The following ACP6 variants were observed in gnomAD, a reference collection of about 807,000 sequenced individuals.
ACP6 encodes the protein acid phosphatase 6, lysophosphatidic.
Under a neutral mutation model 48.1 loss-of-function variants are expected in ACP6, and 48 were observed. The ratio of observed to expected loss-of-function variants is 1.00; its 90% CI spans 0.79 to 1.27. The LOEUF is 1.27. Ranked by LOEUF, ACP6 falls within the 50% of genes most tolerant of loss-of-function variation. The pLI is 0.00. For synonymous variants in ACP6, 172 were observed against 204.2 expected, an observed-to-expected ratio of 0.84 and a Z score of 1.34; for missense variants, 485 against 529.1, an observed-to-expected ratio of 0.92 and a Z score of 0.82.
rs782049544 is a variant in ACP6 at position 147,648,361 on chromosome 1, A to G, written c.1028T>C (p.Met343Thr). Residue 343 changes from methionine (M) to threonine (T), a missense_variant, in exon 9 of 10, where the codon ATG becomes ACG. Transcript: ENST00000583509. ...TTTGTGGTCAAAAATCCCCAGGGTC[A>G]TTAAGAGCGGTATGAAGGTCACATC... ...AHDVTFIPLL[M>T]TLGIFDHKWP... 3 of 1,614,204 alleles carry G rather than the reference A, an allele frequency of 1.9e-6. No individual in the cohort carries two copies. The South Asian group carries it at 3.3e-5, about 18-fold the overall frequency.
rs1207993022 is a variant in ACP6, at chr1:147,670,291, G to A, written c.-243C>T. 1 of 448,896 alleles carries A rather than the reference G, an allele frequency of 2.2e-6. No individual in the cohort carries two copies. 27.8% of individuals were successfully genotyped at this position (448,896 alleles called of 1,614,324 possible). ...CCCTGGGAGTTTTAACCCGGGTCGGGGTTGGTCGCTCCTGCTGCACACCGG... is the reference window on the plus strand; with the variant it reads ...CCCTGGGAGTTTTAACCCGGGTCGGAGTTGGTCGCTCCTGCTGCACACCGG... On this transcript the variant is annotated 5_prime_UTR_variant, in exon 1 of 10. Coordinates refer to ENST00000583509, the MANE Select transcript of ACP6 (RefSeq NM_016361.5).
At chr1:147,650,993 A>G (rs1195607405) in intron 7 of ACP6, 5 of 151,812 alleles carry the variant, frequency 3.3e-5, no homozygotes, top group African/African-American at 9.7e-5. Flanking sequence ...TATCAAAGAG[A>G]AAAAAACACC....
chr1:147,640,466 G>A (rs1659418422), downstream of ACP6, among the ~76,000 whole-genome samples: 2 of 152,202 alleles, frequency 1.3e-5, no homozygotes, highest in Non-Finnish European at 2.9e-5. Context: ...CATAGCAGGA[G>A]CAATGGCTTA....
At chr1:147,635,077 C>T (rs1659261797) in intron 5 of ACP6, among the ~76,000 whole-genome samples, 1 of 152,180 alleles carries the variant, frequency 6.6e-6, no homozygotes, top group Non-Finnish European at 1.5e-5. Flanking sequence ...CTCTCCAGTC[C>T]TTAAATTCTG....
chr1:147,630,553 G>A (rs1659139136), exon 6 of ACP6: 1 of 152,112 alleles, frequency 6.6e-6, no homozygotes, highest in Non-Finnish European at 1.5e-5. Context: ...GCTACCCCAT[G>A]AGCTGTTTTC....
Position 147,659,512 on chromosome 1 carries a change from A to G in ACP6, c.363T>C (p.Ala121=). 1 of 1,614,178 alleles carries G rather than the reference A, an allele frequency of 6.2e-7. No homozygotes were observed. Residue 121 remains alanine (A), a synonymous_variant, in exon 3 of 10, where the codon GCT becomes GCC. Coordinates refer to ENST00000583509, the MANE Select transcript of ACP6 (RefSeq NM_016361.5). ...HETTLKGGMF[A]GQLTKVGMQQ... Reference sequence around the variant, plus strand: ...GCATGCCCACCTTGGTCAGCTGCCCAGCAAACATGCCCCCCTAAAGTAGGG... The same window carrying G: ...GCATGCCCACCTTGGTCAGCTGCCCGGCAAACATGCCCCCCTAAAGTAGGG...
At chr1:147,657,235 G>T (rs1553211789) in intron 4 of ACP6, among the ~76,000 whole-genome samples, 1 of 152,168 alleles carries the variant, frequency 6.6e-6, no homozygotes, top group Non-Finnish European at 1.5e-5. Context: ...AGGCACACTT[G>T]AGTAGACAAA....
At chr1:147,653,792 G>A (rs1553211081) in intron 6 of ACP6, among the ~76,000 whole-genome samples, 3 of 152,136 alleles carry the variant, frequency 2.0e-5, no homozygotes, top group African/African-American at 7.2e-5. Context: ...AGATTAACCA[G>A]CTTTCTTTAT....
intron 1 of ACP6, among the ~76,000 whole-genome samples, chr1:147,668,707 G>A (rs1485539323): frequency 1.3e-5 from 2 of 152,034 alleles, no homozygotes; most frequent in Non-Finnish European, 2.9e-5. Flanking sequence ...AAGAAATCCC[G>A]GTTCCAGAGA....
intron 7 of ACP6, chr1:147,651,045 C>G (rs1326178669): frequency 6.6e-6 from 1 of 151,846 alleles, no homozygotes; most frequent in Non-Finnish European, 1.5e-5. Flanking sequence ...CAAATGAAAA[C>G]AAGGTTGCCA....
At position 147,643,673 on chromosome 1, in the gene ACP6, C is replaced by T. The variant is rs781897782; in HGVS notation, c.*3750G>A. On this transcript the variant is annotated 3_prime_UTR_variant, in exon 10 of 10. Coordinates refer to ENST00000583509, the MANE Select transcript of ACP6 (RefSeq NM_016361.5). ...TGATGGGAAAAAGGGAGATGTTAGT[C>T]AAAATGTACAAAGTTTCAGTTAAAC... The T allele has an allele frequency of 2.6e-5, 4 of 152,126 alleles. No homozygotes were observed. Among genetic ancestry groups the T allele is most frequent in the Non-Finnish European group, 5.9e-5 (4 of 68,040 alleles). 9.4% of individuals were successfully genotyped at this position (152,126 alleles called of 1,614,324 possible).
intron 1 of ACP6, among the ~76,000 whole-genome samples, chr1:147,662,768 T>C (rs1553213015): frequency 6.6e-6 from 1 of 152,248 alleles, no homozygotes; most frequent in Non-Finnish European, 1.5e-5. Flanking sequence ...TTTGAGAAGA[T>C]TGACTCCAAT....
downstream of ACP6, among the ~76,000 whole-genome samples, chr1:147,642,063 G>A (rs1659469172): frequency 6.6e-6 from 1 of 152,152 alleles, no homozygotes. Flanking sequence ...TTTTACATGA[G>A]AGGAAAAACA....
At chr1:147,639,523 C>G (rs1376877297), downstream of ACP6, among the ~76,000 whole-genome samples, 3 of 152,156 alleles carry the variant, frequency 2.0e-5, no homozygotes, top group Non-Finnish European at 4.4e-5. Context: ...TTATACAACC[C>G]TCCCCTTAAT....
chr1:147,651,066 A>C (rs1659893604), intron 7 of ACP6: 1 of 152,226 alleles, frequency 6.6e-6, no homozygotes, highest in Non-Finnish European at 1.5e-5. Context: ...TGATTGGCTT[A>C]GACAAATCCT....
chr1:147,634,011 C>T (rs1327312790), intron 5 of ACP6, among the ~76,000 whole-genome samples: 2 of 152,154 alleles, frequency 1.3e-5, no homozygotes, highest in African/African-American at 2.4e-5. Context: ...ACTTTGTACC[C>T]ATTAAACAAT....
chr1:147,663,078 G>C (rs1660626506), intron 1 of ACP6, among the ~76,000 whole-genome samples: 1 of 152,190 alleles, frequency 6.6e-6, no homozygotes, highest in African/African-American at 2.4e-5. Context: ...TTTTAGACAT[G>C]CTATTGCATG....
At chr1:147,656,610 C>T (rs1660270050) in intron 4 of ACP6, among the ~76,000 whole-genome samples, 1 of 152,222 alleles carries the variant, frequency 6.6e-6, no homozygotes, top group African/African-American at 2.4e-5. Flanking sequence ...CCTAATTCCA[C>T]CATTTACCAG....
intron 4 of ACP6, among the ~76,000 whole-genome samples, chr1:147,657,698 C>G (rs782612841): frequency 6.6e-6 from 1 of 152,134 alleles, no homozygotes; most frequent in African/African-American, 2.4e-5. Context: ...GGATTACAAG[C>G]GTGAACTACT....
Sources: gnomAD v4.1 joint callset for allele counts (sites outside exome capture counted in the v4.1 genomes callset) on GRCh38, gnomAD v4.1.1 for gene constraint, MANE v1.5 for transcripts, NCBI Gene and HGNC (gene_info 2026-07-23, HGNC 2026-07-21) for gene names.